CSGALNACT1: variants seen among roughly 807,000 people sequenced by gnomAD.
The protein encoded by CSGALNACT1 is beta4GalNAcT-1.
A neutral mutation model predicts 51.0 loss-of-function variants in CSGALNACT1; 52 were observed. That is an observed-to-expected ratio of 1.02 (90% CI 0.82 to 1.29). CSGALNACT1 has a LOEUF of 1.29. CSGALNACT1 is among the 50% of genes most tolerant of loss of function. CSGALNACT1 has a pLI of 0.00. For missense variants in CSGALNACT1, 935 were observed against 679.2 expected, an observed-to-expected ratio of 1.38 and a Z score of -4.19; for synonymous variants, 341 against 254.4, an observed-to-expected ratio of 1.34 and a Z score of -3.24.
chr8:19,563,106 A>G (rs1250659848), intron 3 of CSGALNACT1, among the ~76,000 whole-genome samples: 1 of 152,216 alleles, frequency 6.6e-6, no homozygotes, highest in Non-Finnish European at 1.5e-5. Flanking sequence ...CATAAAAAGA[A>G]AGGAGATCAT....
At chr8:19,432,658 T>C (rs900893778) in intron 6 of CSGALNACT1, among the ~76,000 whole-genome samples, 1 of 152,150 alleles carries the variant, frequency 6.6e-6, no homozygotes. Flanking sequence ...AGTTGGCTTA[T>C]CTTGAAGTTT....
chr8:19,713,682 G>A (rs1168177220), intron 1 of CSGALNACT1, among the ~76,000 whole-genome samples: 2 of 152,188 alleles, frequency 1.3e-5, no homozygotes, highest in African/African-American at 2.4e-5. Context: ...GCTGGCAAGC[G>A]ACAAGAAGCT....
At position 19,505,071 on chromosome 8, in the gene CSGALNACT1, CACACACATAA is replaced by C. The variant is rs1401585730; in HGVS notation, c.634+120_634+129del. The C allele has an allele frequency of 7.5e-6, 7 of 937,316 alleles. No homozygotes were observed. In the African/African-American group the frequency reaches 8.1e-5, roughly 11 times the overall value. 58.1% of individuals were successfully genotyped at this position (937,316 alleles called of 1,614,324 possible). On this transcript the variant is annotated intron_variant, in intron 4 of 9. Transcript: ENST00000454498. ...AAAGCCATGCCGTACCTTTTGGTGT[CACACACATAA>C]AACTTTCCGCCAGCCATCCCAGAGC...
At chr8:19,587,256 C>G (rs768423688) in intron 3 of CSGALNACT1, among the ~76,000 whole-genome samples, 17 of 152,314 alleles carry the variant, frequency 1.1e-4, no homozygotes, top group Non-Finnish European at 1.8e-4. Flanking sequence ...GCTTGGGCAT[C>G]TGTAGTTTTA....
chr8:19,510,744 C>T (rs2078314511), intron 3 of CSGALNACT1, among the ~76,000 whole-genome samples: 1 of 152,128 alleles, frequency 6.6e-6, no homozygotes, highest in Non-Finnish European at 1.5e-5. Context: ...TTTAAAACGA[C>T]AGAAGTTTAA....
intron 1 of CSGALNACT1, among the ~76,000 whole-genome samples, chr8:19,654,862 T>C (rs1034088769): frequency 4.6e-5 from 7 of 152,064 alleles, no homozygotes; most frequent in African/African-American, 1.7e-4. Flanking sequence ...AGGTAATTTT[T>C]TAAAGTAAAA....
chr8:19,462,861 T>C lies in CSGALNACT1; in HGVS notation c.635-4219A>G, dbSNP rs532124884. 9.2e-5 allele frequency among the ~76,000 whole-genome samples: 14 copies of C among 152,346 alleles called. No homozygotes were observed. In the South Asian group the frequency reaches 2.9e-3, roughly 32 times the overall value. Reference sequence around the variant, plus strand: ...TCAGAAGGAACATGTGTAGGTTTGTTACACAAGTAAACTGCATGTTGCAGG... The same window carrying C: ...TCAGAAGGAACATGTGTAGGTTTGTCACACAAGTAAACTGCATGTTGCAGG... On this transcript the variant is annotated intron_variant, in intron 4 of 9. Coordinates refer to ENST00000454498, the Ensembl canonical transcript of CSGALNACT1.
intron 1 of CSGALNACT1, among the ~76,000 whole-genome samples, chr8:19,673,469 C>G (rs779216798): frequency 1.2e-4 from 19 of 152,200 alleles, no homozygotes; most frequent in Non-Finnish European, 2.6e-4. Context: ...ACCAAAGTTG[C>G]TAGGCACTAT....
intron 8 of CSGALNACT1, among the ~76,000 whole-genome samples, chr8:19,416,706 G>A (rs1425435403): frequency 6.6e-6 from 1 of 152,196 alleles, no homozygotes; most frequent in African/African-American, 2.4e-5. Context: ...TTGTAACCTA[G>A]GAGCAACAGC....
At chr8:19,727,103 G>A (rs1183510812) in intron 1 of CSGALNACT1, among the ~76,000 whole-genome samples, 2 of 152,120 alleles carry the variant, frequency 1.3e-5, no homozygotes, top group Non-Finnish European at 2.9e-5. Context: ...GGGGCTGAGG[G>A]AAGGCACCCG....
intron 3 of CSGALNACT1, among the ~76,000 whole-genome samples, chr8:19,533,758 C>G (rs1275163531): frequency 6.6e-6 from 1 of 152,168 alleles, no homozygotes; most frequent in African/African-American, 2.4e-5. Flanking sequence ...ATATACTGAT[C>G]ATAATGCTCA....
At chr8:19,662,738 TGG>T (rs2058867853) in intron 1 of CSGALNACT1, among the ~76,000 whole-genome samples, 2 of 152,162 alleles carry the variant, frequency 1.3e-5, no homozygotes, top group Non-Finnish European at 2.9e-5. Flanking sequence ...TGGGCAACAG[TGG>T]TCCACACTGG....
chr8:19,531,804 T>G (rs2082820798), intron 3 of CSGALNACT1: 1 of 152,254 alleles, frequency 6.6e-6, no homozygotes, highest in South Asian at 2.1e-4. Flanking sequence ...TCATAGCCTG[T>G]TCTGCTCTAC....
intron 3 of CSGALNACT1, among the ~76,000 whole-genome samples, chr8:19,559,633 A>C (rs1335429586): frequency 3.9e-5 from 6 of 152,196 alleles, no homozygotes; most frequent in Non-Finnish European, 8.8e-5. Flanking sequence ...AGCAATGTAG[A>C]AAAACTAAAT....
At chr8:19,665,669 G>A (rs910080577) in intron 1 of CSGALNACT1, among the ~76,000 whole-genome samples, 5 of 152,220 alleles carry the variant, frequency 3.3e-5, no homozygotes, top group African/African-American at 9.6e-5. Context: ...TTGGTTCTGC[G>A]ACCAGAACCA....
intron 1 of CSGALNACT1, among the ~76,000 whole-genome samples, chr8:19,621,270 T>C (rs1047412939): frequency 3.9e-5 from 6 of 152,082 alleles, no homozygotes; most frequent in Non-Finnish European, 8.8e-5. Flanking sequence ...GCCAGATTGA[T>C]GAGGGGAAAA....
At chr8:19,705,468 C>T (rs1564450991) in intron 1 of CSGALNACT1, among the ~76,000 whole-genome samples, 1 of 152,188 alleles carries the variant, frequency 6.6e-6, no homozygotes, top group African/African-American at 2.4e-5. Flanking sequence ...CACAGTGGCT[C>T]ATACTTGTAA....
intron 1 of CSGALNACT1, among the ~76,000 whole-genome samples, chr8:19,650,939 G>C (rs1195681287): frequency 1.3e-5 from 2 of 152,108 alleles, no homozygotes; most frequent in East Asian, 1.9e-4. Flanking sequence ...CTGGAAAGAG[G>C]CATCACCAGA....
intron 1 of CSGALNACT1, among the ~76,000 whole-genome samples, chr8:19,751,850 G>A (rs781618485): frequency 4.6e-5 from 7 of 151,950 alleles, no homozygotes; most frequent in Admixed American, 6.6e-5. Context: ...AGTTTCCTGA[G>A]GCCTCCCCAG....
Sources: allele counts gnomAD v4.1 joint callset (sites outside exome capture counted in the v4.1 genomes callset), GRCh38; gene constraint gnomAD v4.1.1; transcripts MANE v1.5; gene names NCBI Gene and HGNC (gene_info 2026-07-23, HGNC 2026-07-21).